Variants in BRINP2 observed in about 807,000 individuals in gnomAD.
BRINP2 encodes BMP/retinoic acid-inducible neural-specific protein 2.
BRINP2 carries 21 observed loss-of-function variants against 69.2 expected under a neutral mutation model. The observed-to-expected ratio is 0.30, with a 90% confidence interval of 0.22 to 0.44. The LOEUF (loss-of-function observed/expected upper bound fraction) is 0.44, where lower values mean the gene tolerates loss of function less well. BRINP2 is among the 20% of genes least tolerant of loss of function. The probability of loss-of-function intolerance (pLI) is 1.00; values close to 1 mark genes in which losing one functional copy is unlikely to be tolerated. For missense variants in BRINP2, 877 were observed against 986.0 expected, an observed-to-expected ratio of 0.89 and a Z score of 1.48; for synonymous variants, 380 against 394.1, an observed-to-expected ratio of 0.96 and a Z score of 0.42.
At chr1:177,227,307 G>A (rs934689576) in intron 1 of BRINP2, among the ~76,000 whole-genome samples, 11 of 152,142 alleles carry the variant, frequency 7.2e-5, no homozygotes, top group African/African-American at 2.7e-4. Flanking sequence ...TGCAGTCTTC[G>A]AAATGAACAT....
rs148358436 is a variant in BRINP2 at position 177,278,601 on chromosome 1, C to T, written c.1051C>T (p.Arg351Trp). The change falls in exon 7 of 8, where the codon CGG (arginine) becomes TGG (tryptophan). Residue 351 changes from arginine (R) to tryptophan (W), a missense_variant. Physicochemically the swap from Arg to Trp is moderately radical, Grantham distance 101. Coordinates refer to ENST00000361539, the MANE Select transcript of BRINP2 (RefSeq NM_021165.4). ...QALLKRLPDD[R>W]FLNSTAISQF... ...CCTGCTGAAAAGGCTGCCCGATGAC[C>T]GGTTCCTGAACTCCACAGCTATCTC... 1.8e-5 allele frequency: 29 copies of T among 1,614,164 alleles called. No homozygotes were observed. The highest frequency in any genetic ancestry group is 4.4e-5 in the South Asian group (4 of 91,076).
intron 1 of BRINP2, among the ~76,000 whole-genome samples, chr1:177,204,280 G>A (rs1200589326): frequency 1.3e-5 from 2 of 152,110 alleles, no homozygotes; most frequent in Admixed American, 1.3e-4. Flanking sequence ...AATCATGTGA[G>A]TTCAGGAGAG....
At chr1:177,204,462 T>C (rs1431059070) in intron 1 of BRINP2, among the ~76,000 whole-genome samples, 1 of 151,124 alleles carries the variant, frequency 6.6e-6, no homozygotes, top group Non-Finnish European at 1.5e-5. Context: ...GATGAGTTTA[T>C]AAGGAGTGGC....
chr1:177,205,181 T>C (rs1649037446), intron 1 of BRINP2, among the ~76,000 whole-genome samples: 1 of 152,214 alleles, frequency 6.6e-6, no homozygotes, highest in Non-Finnish European at 1.5e-5. Context: ...TTCACTCTTG[T>C]CTTCCAGGCT....
intron 1 of BRINP2, among the ~76,000 whole-genome samples, chr1:177,187,308 C>A (rs1289600296): frequency 6.6e-6 from 1 of 152,176 alleles, no homozygotes; most frequent in Non-Finnish European, 1.5e-5. Flanking sequence ...CATCAGTCAC[C>A]AGTTCCAGAA....
intron 1 of BRINP2, among the ~76,000 whole-genome samples, chr1:177,226,245 T>C (rs1466218761): frequency 3.3e-5 from 5 of 152,180 alleles, no homozygotes; most frequent in Admixed American, 3.3e-4. Flanking sequence ...GGACACATGT[T>C]TTCAGTAGCT....
Position 177,188,751 on chromosome 1 carries a change from A to T in BRINP2, c.-77+17019A>T, listed in dbSNP as rs539771990. 7.9e-5 allele frequency among the ~76,000 whole-genome samples: 12 copies of T among 152,306 alleles called. No individual in the cohort carries two copies. In the South Asian group the frequency reaches 2.5e-3, roughly 32 times the overall value. ...GAGCTGAGAACATGTATTACACTTG[A>T]CATTTATGTTCATTCACAGAGCTCC... On this transcript the variant is annotated intron_variant, in intron 1 of 7. Coordinates refer to ENST00000361539, the MANE Select transcript of BRINP2 (RefSeq NM_021165.4).
At position 177,257,371 on chromosome 1, in the gene BRINP2, C is replaced by CG; in HGVS notation, c.661dup (p.Ala221GlyfsTer18). The CG allele has an allele frequency of 6.2e-7, 1 of 1,609,846 alleles. No individual in the cohort carries two copies. The highest frequency in any genetic ancestry group is 8.5e-7 in the Non-Finnish European group (1 of 1,177,146). ...CGGCTGCACCATATCCAGATAGCCA[C>CG]GGGGGCCATCAAGGTAATGACCTGA... On this transcript the variant is annotated frameshift_variant, in exon 4 of 8. Coordinates refer to ENST00000361539, the MANE Select transcript of BRINP2 (RefSeq NM_021165.4). LOFTEE classifies it high-confidence loss of function.
chr1:177,252,679 T>G (rs2102343354), intron 2 of BRINP2, among the ~76,000 whole-genome samples: 1 of 152,224 alleles, frequency 6.6e-6, no homozygotes, highest in East Asian at 1.9e-4. Flanking sequence ...TTATTCTTCC[T>G]AACTATAACT....
chr1:177,260,541 G>C (rs12031532), intron 4 of BRINP2, among the ~76,000 whole-genome samples: 18,492 of 152,154 alleles, frequency 0.12, 1,603 homozygotes, highest in East Asian at 0.31. Context: ...CTCATGAAAG[G>C]AAGAGTCCAT....
chr1:177,175,953 A>C (rs1440293237), intron 1 of BRINP2, among the ~76,000 whole-genome samples: 2 of 152,172 alleles, frequency 1.3e-5, no homozygotes, highest in African/African-American at 4.8e-5. Flanking sequence ...AGTCTCTTCT[A>C]TCTAGAAAGG....
intron 3 of BRINP2, chr1:177,256,548 G>A: frequency 1.0e-6 from 1 of 985,460 alleles, no homozygotes; most frequent in Non-Finnish European, 1.2e-6. Context: ...AACTCCAGTA[G>A]TTCTGGGCTG....
At chr1:177,179,482 T>C (rs1335086252) in intron 1 of BRINP2, among the ~76,000 whole-genome samples, 3 of 152,116 alleles carry the variant, frequency 2.0e-5, no homozygotes, top group Non-Finnish European at 4.4e-5. Context: ...CCCCTATCAA[T>C]CTATTTGTCC....
chr1:177,229,753 A>C, intron 1 of BRINP2, 48 bp from the exon 2 acceptor site: 1 of 1,346,146 alleles, frequency 7.4e-7, no homozygotes, highest in Non-Finnish European at 1.0e-6. Flanking sequence ...TCACAGGCCC[A>C]TGGGGTAACA....
At chr1:177,257,452 C>G in intron 4 of BRINP2, 68 bp downstream of exon 4, 1 of 1,415,916 alleles carries the variant, frequency 7.1e-7, no homozygotes, top group Admixed American at 2.4e-5. Flanking sequence ...AGGCCAGAGC[C>G]TCAACCATCT....
chr1:177,274,648 C>A (rs1270414226), intron 5 of BRINP2, among the ~76,000 whole-genome samples: 1 of 152,010 alleles, frequency 6.6e-6, no homozygotes, highest in East Asian at 1.9e-4. Flanking sequence ...AATTTTATAC[C>A]CCAACACTCA....
chr1:177,248,435 TTGTGTG>T, intron 2 of BRINP2, among the ~76,000 whole-genome samples: 1 of 147,368 alleles, frequency 6.8e-6, no homozygotes, highest in South Asian at 2.2e-4. Context: ...GAGGTACAGT[TTGTGTG>T]TGTGTGTGTG....
rs140890193 is a variant in BRINP2 at position 177,195,952 on chromosome 1, G to A, written c.-77+24220G>A. Among the ~76,000 whole-genome samples the A allele has an allele frequency of 7.9e-5, 12 of 152,236 alleles. No homozygotes were observed. In the South Asian group the frequency reaches 1.0e-3, roughly 13 times the overall value. On this transcript the variant is annotated intron_variant, in intron 1 of 7. Transcript: ENST00000361539. ...CCCCTCTCTGGGCTGTTGCCTCAAA[G>A]CATTTGTAAAGAATAATGATACCTT...
chr1:177,171,399 G>T lies in BRINP2; in HGVS notation c.-410G>T, dbSNP rs778893272. ...CGAAGCCCCACTTCAAAGATGCTCT[G>T]GGAGACCGGGATCCTGGCTGCTCAG... On this transcript the variant is annotated 5_prime_UTR_variant, in exon 1 of 8. Transcript: ENST00000361539. The T allele has an allele frequency of 2.6e-5, 4 of 154,822 alleles. No individual in the cohort carries two copies. Among genetic ancestry groups the T allele is most frequent in the South Asian group, 1.7e-4 (1 of 5,808 alleles). 9.6% of individuals were successfully genotyped at this position (154,822 alleles called of 1,614,324 possible).
Sources: gnomAD v4.1 joint callset for allele counts (sites outside exome capture counted in the v4.1 genomes callset) on GRCh38, gnomAD v4.1.1 for gene constraint, MANE v1.5 for transcripts, NCBI Gene and HGNC (gene_info 2026-07-23, HGNC 2026-07-21) for gene names.